Variants in PDE4B observed in about 807,000 individuals in gnomAD.
PDE4B encodes phosphodiesterase 4B.
In PDE4B, 20 loss-of-function variants were observed where a neutral mutation model predicts 82.2. That is an observed-to-expected ratio of 0.24 (90% CI 0.17 to 0.35). PDE4B has a LOEUF of 0.35. PDE4B is among the 10% of genes least tolerant of loss of function. The probability of loss-of-function intolerance (pLI) is 1.00; values close to 1 mark genes in which losing one functional copy is unlikely to be tolerated. For synonymous variants in PDE4B, 320 were observed against 318.9 expected, an observed-to-expected ratio of 1.00 and a Z score of -0.04; for missense variants, 655 against 907.2, an observed-to-expected ratio of 0.72 and a Z score of 3.57.
intron 2 of PDE4B, among the ~76,000 whole-genome samples, chr1:65,915,998 T>C (rs1647155345): frequency 6.6e-6 from 1 of 152,166 alleles, no homozygotes; most frequent in Non-Finnish European, 1.5e-5. Context: ...AAATCAGTAA[T>C]TGAGAATTGA....
chr1:66,284,778 G>A (rs1409844526), intron 7 of PDE4B, among the ~76,000 whole-genome samples: 1 of 151,948 alleles, frequency 6.6e-6, no homozygotes, highest in Non-Finnish European at 1.5e-5. Flanking sequence ...GGATATGCAG[G>A]ACATTAGACA....
intron 2 of PDE4B, 95 bp downstream of exon 2, chr1:65,913,451 C>G (rs1182922131): frequency 8.6e-7 from 1 of 1,167,736 alleles, no homozygotes; most frequent in East Asian, 2.4e-5. Context: ...ATTTAACACA[C>G]CACTCTGTGA....
intron 7 of PDE4B, among the ~76,000 whole-genome samples, chr1:66,318,122 T>C (rs1054654623): frequency 6.6e-6 from 1 of 152,134 alleles, no homozygotes; most frequent in African/African-American, 2.4e-5. Flanking sequence ...CCCCAGGAGA[T>C]TCAGATGCAC....
chr1:66,332,171 G>A, intron 7 of PDE4B: 1 of 1,389,212 alleles, frequency 7.2e-7, no homozygotes, highest in Non-Finnish European at 9.3e-7. Flanking sequence ...ACTCTTTGGT[G>A]CTTCTGCCTT....
At chr1:66,254,202 C>T (rs550343030) in intron 4 of PDE4B, among the ~76,000 whole-genome samples, 1 of 152,048 alleles carries the variant, frequency 6.6e-6, no homozygotes, top group South Asian at 2.1e-4. Context: ...GAAATCAGAA[C>T]ACTTCACTTG....
intron 7 of PDE4B, among the ~76,000 whole-genome samples, chr1:66,328,454 A>G (rs1420231220): frequency 1.3e-5 from 2 of 152,238 alleles, no homozygotes; most frequent in Middle Eastern, 3.2e-3. Context: ...TTTCATGGGC[A>G]TGTAACCTGT....
At chr1:66,180,671 C>T (rs564258881) in intron 3 of PDE4B, among the ~76,000 whole-genome samples, 5 of 152,272 alleles carry the variant, frequency 3.3e-5, no homozygotes, top group South Asian at 4.1e-4. Context: ...TTGTTTATGA[C>T]ACTGGCAAGA....
At chr1:66,300,739 G>A (rs1267010387) in intron 7 of PDE4B, among the ~76,000 whole-genome samples, 1 of 152,160 alleles carries the variant, frequency 6.6e-6, no homozygotes, top group Non-Finnish European at 1.5e-5. Flanking sequence ...ATTTCCCAGA[G>A]GGTCTGAGGT....
intron 3 of PDE4B, among the ~76,000 whole-genome samples, chr1:65,975,266 GA>G (rs1650347296): frequency 6.6e-6 from 1 of 152,224 alleles, no homozygotes; most frequent in South Asian, 2.1e-4. Context: ...GTGGAACTTT[GA>G]ACTTGAGAGA....
intron 3 of PDE4B, among the ~76,000 whole-genome samples, chr1:66,008,887 A>T (rs762635028): frequency 1.1e-4 from 16 of 152,054 alleles, no homozygotes; most frequent in Non-Finnish European, 2.2e-4. Flanking sequence ...AATGCTCCAG[A>T]GGGTTGTGGA....
chr1:66,274,169 T>TC (rs1288223620), intron 7 of PDE4B, among the ~76,000 whole-genome samples: 2 of 151,942 alleles, frequency 1.3e-5, no homozygotes, highest in Non-Finnish European at 2.9e-5. Flanking sequence ...GGGCATTTTT[T>TC]TTTTTTTTGA....
At chr1:65,847,648 C>G (rs1158866670) in intron 1 of PDE4B, among the ~76,000 whole-genome samples, 1 of 152,182 alleles carries the variant, frequency 6.6e-6, no homozygotes, top group Non-Finnish European at 1.5e-5. Flanking sequence ...AGTGGCACAA[C>G]TGAAATCATT....
intron 3 of PDE4B, chr1:66,112,620 T>C (rs887211798): frequency 1.3e-5 from 2 of 152,340 alleles, no homozygotes; most frequent in Admixed American, 6.5e-5. Flanking sequence ...CCCTCTGCCA[T>C]TGATGCTGCC....
At chr1:66,327,470 C>G (rs573406569) in intron 7 of PDE4B, among the ~76,000 whole-genome samples, 1 of 152,154 alleles carries the variant, frequency 6.6e-6, no homozygotes, top group African/African-American at 2.4e-5. Flanking sequence ...TTTGGCTTCT[C>G]TGCAATTTTC....
chr1:66,114,767 C>G (rs1463922872), intron 3 of PDE4B, among the ~76,000 whole-genome samples: 1 of 151,820 alleles, frequency 6.6e-6, no homozygotes, highest in Non-Finnish European at 1.5e-5. Context: ...TCCCGGGTAG[C>G]TGGGACTACA....
At chr1:66,331,763 G>T in intron 7 of PDE4B, 1 of 985,392 alleles carries the variant, frequency 1.0e-6, no homozygotes, top group Non-Finnish European at 1.2e-6. Context: ...AGTATAACAA[G>T]AGCTGCAGGA....
intron 3 of PDE4B, among the ~76,000 whole-genome samples, chr1:65,967,605 A>G (rs1339339941): frequency 2.0e-5 from 3 of 152,196 alleles, no homozygotes; most frequent in Non-Finnish European, 4.4e-5. Flanking sequence ...AATAGCAAAG[A>G]CTTGAAACCA....
At position 66,298,498 on chromosome 1, in the gene PDE4B, T is replaced by C. The variant is rs140585110; in HGVS notation, c.634+32411T>C. On this transcript the variant is annotated intron_variant, in intron 7 of 16. Transcript: ENST00000341517. Reference sequence around the variant, plus strand: ...AAGTTGAACCTATGGGGGATTTTATTGCATTCGTTTTAAAGATAAGTTAAC... The same window carrying C: ...AAGTTGAACCTATGGGGGATTTTATCGCATTCGTTTTAAAGATAAGTTAAC... Among the ~76,000 whole-genome samples, 1,027 of 152,276 alleles carry C rather than the reference T, an allele frequency of 6.7e-3. 8 individuals carry two copies. The highest frequency in any genetic ancestry group is 0.01 in the Non-Finnish European group (688 of 68,010).
intron 3 of PDE4B, among the ~76,000 whole-genome samples, chr1:66,177,680 G>T (rs188655111): frequency 8.1e-6 from 1 of 122,770 alleles, no homozygotes; most frequent in Non-Finnish European, 1.7e-5. Context: ...TGTCCACAGC[G>T]CATTGAAGCC....
Sources: gnomAD v4.1 joint callset for allele counts (sites outside exome capture counted in the v4.1 genomes callset) on GRCh38, gnomAD v4.1.1 for gene constraint, MANE v1.5 for transcripts, NCBI Gene and HGNC (gene_info 2026-07-23, HGNC 2026-07-21) for gene names.